The following ABCC11 variants were observed in gnomAD, a reference collection of about 807,000 sequenced individuals.
ABCC11 encodes ATP binding cassette subfamily C member 11.
A neutral mutation model predicts 149.3 loss-of-function variants in ABCC11; 135 were observed. That is an observed-to-expected ratio of 0.90 (90% confidence interval 0.79 to 1.04). The LOEUF (loss-of-function observed/expected upper bound fraction) is 1.04. ABCC11 is among the 50% of genes least tolerant of loss of function. ABCC11 has a pLI of 0.00. For missense variants in ABCC11, 1,680 were observed against 1,722.1 expected, an observed-to-expected ratio of 0.98 and a Z score of 0.43; for synonymous variants, 665 against 671.4, an observed-to-expected ratio of 0.99 and a Z score of 0.15.
chr16:48,235,362 ATG>A (rs1054415048), intron 1 of ABCC11, among the ~76,000 whole-genome samples: 55 of 152,318 alleles, frequency 3.6e-4, no homozygotes, highest in African/African-American at 1.3e-3. Flanking sequence ...CTGTTCACAA[ATG>A]TGTCTTTGGA....
chr16:48,211,001 C>T lies in ABCC11; in HGVS notation c.1555G>A (p.Glu519Lys). The T allele has an allele frequency of 1.2e-6, 2 of 1,614,218 alleles. No homozygotes were observed. Among genetic ancestry groups the T allele is most frequent in the Non-Finnish European group, 1.7e-6 (2 of 1,180,040 alleles). The change falls in exon 11 of 30, where the codon GAA becomes AAA. Residue 519 changes from glutamate to lysine, a missense_variant. By Grantham distance (56) the Glu-to-Lys change is moderately conservative. Coordinates refer to ENST00000356608, the MANE Select transcript of ABCC11 (RefSeq NM_001370497.1). ...AACTCTGGGCCCAGGCTGTTCCCTT[C>T]TTCCTCTGGCCCGAGGGCATCTCTA... ...RPRDALGPEEEGNSLGPELHK... is the reference protein window; with the variant it reads ...RPRDALGPEEKGNSLGPELHK...
At chr16:48,204,456 T>A (rs1968260726) in intron 13 of ABCC11, among the ~76,000 whole-genome samples, 1 of 152,190 alleles carries the variant, frequency 6.6e-6, no homozygotes, top group Non-Finnish European at 1.5e-5. Flanking sequence ...GGAGACAGGC[T>A]TATTCACGAT....
At chr16:48,190,154 T>C (rs1399952812) in intron 20 of ABCC11, among the ~76,000 whole-genome samples, 1 of 152,160 alleles carries the variant, frequency 6.6e-6, no homozygotes, top group African/African-American at 2.4e-5. Flanking sequence ...CATCCCGTGA[T>C]AAACTTTACA....
intron 1 of ABCC11, among the ~76,000 whole-genome samples, chr16:48,233,292 T>C (rs186460159): frequency 6.6e-6 from 1 of 152,240 alleles, no homozygotes; most frequent in Admixed American, 6.5e-5. Context: ...GAAGTTACTC[T>C]AGATTTCTTT....
intron 6 of ABCC11, among the ~76,000 whole-genome samples, chr16:48,217,447 T>G (rs779566831): frequency 2.0e-5 from 3 of 152,050 alleles, no homozygotes; most frequent in African/African-American, 7.2e-5. Context: ...AGTAGGAAAA[T>G]TAGCCAGGCA....
At chr16:48,205,564 G>T (rs1269268111) in intron 12 of ABCC11, 27 bp from the exon 13 acceptor site, 3 of 1,611,320 alleles carry the variant, frequency 1.9e-6, no homozygotes, top group East Asian at 4.5e-5. Context: ...CCAGCCTCAG[G>T]ACCAATTGGG....
At chr16:48,219,336 A>T (rs1172419385) in intron 6 of ABCC11, among the ~76,000 whole-genome samples, 1 of 152,130 alleles carries the variant, frequency 6.6e-6, no homozygotes, top group Non-Finnish European at 1.5e-5. Context: ...CGCCCAGCTA[A>T]CTTTTTGCAT....
At chr16:48,205,300 G>T (rs541367341) in intron 13 of ABCC11, 113 bp downstream of exon 13, 34 of 1,442,706 alleles carry the variant, frequency 2.4e-5, no homozygotes, top group Non-Finnish European at 2.9e-5. Context: ...ATGATAATGC[G>T]TTTAAGTGGA....
At chr16:48,216,531 A>G (rs756271518) in intron 6 of ABCC11, among the ~76,000 whole-genome samples, 1 of 152,208 alleles carries the variant, frequency 6.6e-6, no homozygotes, top group Non-Finnish European at 1.5e-5. Flanking sequence ...CTTACTTTAT[A>G]TGGGTTTTGT....
At chr16:48,169,566 C>A (rs183665281) in intron 28 of ABCC11, among the ~76,000 whole-genome samples, 1 of 151,980 alleles carries the variant, frequency 6.6e-6, no homozygotes, top group Non-Finnish European at 1.5e-5. Context: ...CACATATACA[C>A]CATGGAATAC....
chr16:48,219,151 G>A (rs947236855), intron 6 of ABCC11, among the ~76,000 whole-genome samples: 1 of 149,854 alleles, frequency 6.7e-6, no homozygotes, highest in Non-Finnish European at 1.5e-5. Flanking sequence ...GTACCTAAAT[G>A]GACTGTTTTG....
At chr16:48,225,156 T>C (rs1048845831) in intron 4 of ABCC11, among the ~76,000 whole-genome samples, 2 of 152,016 alleles carry the variant, frequency 1.3e-5, no homozygotes, top group East Asian at 1.9e-4. Context: ...GTTGAACCAG[T>C]GAGCCGAGAT....
At chr16:48,204,750 C>G (rs533340449) in intron 13 of ABCC11, among the ~76,000 whole-genome samples, 1 of 152,312 alleles carries the variant, frequency 6.6e-6, no homozygotes, top group East Asian at 1.9e-4. Context: ...AGGTCAGAGT[C>G]CACCATAGTT....
intron 6 of ABCC11, 63 bp from the exon 7 acceptor site, chr16:48,216,350 GGT>G: frequency 5.9e-6 from 9 of 1,530,458 alleles, no homozygotes; most frequent in Non-Finnish European, 8.1e-6. Context: ...AGGGGTGGCA[GGT>G]GGCCTCCCCA....
At chr16:48,204,610 G>T (rs1968274106) in intron 13 of ABCC11, among the ~76,000 whole-genome samples, 1 of 152,164 alleles carries the variant, frequency 6.6e-6, no homozygotes, top group Non-Finnish European at 1.5e-5. Flanking sequence ...GGCAGGCAGG[G>T]TGCTCATGAG....
chr16:48,180,422 G>A (rs1167281376), intron 23 of ABCC11, among the ~76,000 whole-genome samples: 1 of 152,174 alleles, frequency 6.6e-6, no homozygotes, highest in Non-Finnish European at 1.5e-5. Context: ...AAGGTAGAAC[G>A]ATCAAGGGTT....
chr16:48,233,263 C>A (rs945763569), intron 1 of ABCC11, among the ~76,000 whole-genome samples: 1 of 152,200 alleles, frequency 6.6e-6, no homozygotes, highest in Admixed American at 6.5e-5. Context: ...AGACTGCAAG[C>A]TAACCCATTA....
At chr16:48,208,883 C>A (rs905113528) in intron 11 of ABCC11, among the ~76,000 whole-genome samples, 2 of 152,200 alleles carry the variant, frequency 1.3e-5, no homozygotes, top group Non-Finnish European at 1.5e-5. Flanking sequence ...TGCATGCATG[C>A]ATGCATTCAT....
chr16:48,184,772 T>A, intron 22 of ABCC11, 146 bp from the exon 23 acceptor site: 1 of 794,846 alleles, frequency 1.3e-6, no homozygotes, highest in Non-Finnish European at 1.9e-6. Flanking sequence ...AGTTCCTCCC[T>A]ACCCCTTTCT....
Sources: gnomAD v4.1 joint callset for allele counts (sites outside exome capture counted in the v4.1 genomes callset) on GRCh38, gnomAD v4.1.1 for gene constraint, MANE v1.5 for transcripts, NCBI Gene and HGNC (gene_info 2026-07-23, HGNC 2026-07-21) for gene names.